Variants in GDA observed in about 807,000 individuals in gnomAD.
GDA encodes the protein cytoplasmic PSD-95 interactor.
In GDA, 18 loss-of-function variants were observed where a neutral mutation model predicts 59.6. That is an observed-to-expected ratio of 0.30 (90% CI 0.21 to 0.45). The LOEUF is 0.45. GDA is among the 20% of genes least tolerant of loss of function. The pLI, the probability that GDA is intolerant of heterozygous loss-of-function variation, is 1.00. For synonymous variants in GDA, 201 were observed against 201.1 expected (o/e 1.00, Z 0.00); for missense variants, 427 against 552.3 (o/e 0.77, Z 2.27).
intron 1 of GDA, among the ~76,000 whole-genome samples, chr9:72,130,442 A>G (rs1267748014): frequency 3.3e-5 from 5 of 152,250 alleles, no homozygotes; most frequent in Non-Finnish European, 5.9e-5. Flanking sequence ...CATTAAGAAC[A>G]TTACATAAGA....
chr9:72,194,861 T>C (rs1304910418), intron 1 of GDA, among the ~76,000 whole-genome samples: 3 of 152,202 alleles, frequency 2.0e-5, no homozygotes, highest in African/African-American at 7.2e-5. Context: ...GTTCCCTCTG[T>C]GGGCAGACAT....
chr9:72,192,294 C>T (rs1409796825), intron 1 of GDA, among the ~76,000 whole-genome samples: 7 of 116,946 alleles, frequency 6.0e-5, no homozygotes, highest in East Asian at 5.3e-4. Flanking sequence ...AGTGCAGTGT[C>T]GCGATCTCGG....
intron 10 of GDA, among the ~76,000 whole-genome samples, chr9:72,236,312 C>G (rs1838979113): frequency 6.6e-6 from 1 of 152,110 alleles, no homozygotes; most frequent in African/African-American, 2.4e-5. Flanking sequence ...CCCAAATGGC[C>G]CACCGCTTGG....
intron 1 of GDA, among the ~76,000 whole-genome samples, chr9:72,159,454 C>A (rs1430037121): frequency 1.3e-5 from 2 of 151,950 alleles, no homozygotes; most frequent in Non-Finnish European, 2.9e-5. Context: ...GCAAACCCCA[C>A]CTTAAAACCC....
At chr9:72,148,607 G>A (rs535236271), upstream of GDA, among the ~76,000 whole-genome samples, 1 of 152,286 alleles carries the variant, frequency 6.6e-6, no homozygotes, top group South Asian at 2.1e-4. Context: ...GCCCTGAATG[G>A]AAGCCAGCTG....
chr9:72,146,127 A>C (rs562539961), upstream of GDA, among the ~76,000 whole-genome samples: 64 of 124,224 alleles, frequency 5.2e-4, no homozygotes, highest in Non-Finnish European at 9.3e-4. Flanking sequence ...ATCCTGGATA[A>C]AGGTGAGGGG....
At chr9:72,140,432 G>A (rs1015834247) in intron 1 of GDA, among the ~76,000 whole-genome samples, 2 of 152,160 alleles carry the variant, frequency 1.3e-5, no homozygotes, top group African/African-American at 4.8e-5. Context: ...GCTGTAGACA[G>A]TGATTGAACC....
chr9:72,209,351 C>A (rs1312159777), intron 3 of GDA, among the ~76,000 whole-genome samples: 1 of 151,950 alleles, frequency 6.6e-6, no homozygotes, highest in African/African-American at 2.4e-5. Flanking sequence ...TGATTTTCAT[C>A]TTTTCCTTTT....
chr9:72,138,257 A>G (rs1826315307), intron 1 of GDA, among the ~76,000 whole-genome samples: 1 of 152,092 alleles, frequency 6.6e-6, no homozygotes, highest in Non-Finnish European at 1.5e-5. Context: ...AAGCTGTTTT[A>G]TCTGTGTTTT....
chr9:72,169,942 CA>C (rs1829760479), intron 1 of GDA, among the ~76,000 whole-genome samples: 1 of 152,196 alleles, frequency 6.6e-6, no homozygotes, highest in Admixed American at 6.5e-5. Flanking sequence ...GCTCTGAGGA[CA>C]GATAATGGTC....
At chr9:72,231,267 T>C in intron 10 of GDA, 86 bp downstream of exon 10, 4 of 728,882 alleles carry the variant, frequency 5.5e-6, no homozygotes, top group South Asian at 3.0e-5. Context: ...GTGACTGTTC[T>C]GTTTAAAAAA....
chr9:72,166,077 A>C lies in GDA; in HGVS notation c.123+16395A>C, dbSNP rs1464534379. The stretch of plus-strand genomic sequence containing the variant: ...AAAACAACACATAGGTGACTCACAT[A>C]CAACCTTTGTATGTATGAATGGAGG... On this transcript the variant is annotated intron_variant, in intron 1 of 13. Transcript: ENST00000358399. 3.3e-5 allele frequency among the ~76,000 whole-genome samples: 5 copies of C among 152,332 alleles called. No individual in the cohort carries two copies. The East Asian group carries it at 9.6e-4, about 29-fold the overall frequency.
chr9:72,158,329 C>T (rs1475556344), intron 1 of GDA, among the ~76,000 whole-genome samples: 3 of 152,208 alleles, frequency 2.0e-5, no homozygotes, highest in East Asian at 1.9e-4. Context: ...TACAGTGGCC[C>T]GCACCTGTAA....
intron 1 of GDA, 102 bp downstream of exon 1, chr9:72,149,784 T>A: frequency 8.2e-7 from 1 of 1,219,278 alleles, no homozygotes; most frequent in Admixed American, 3.1e-5. Context: ...CGGTGCGCAG[T>A]GAGCGCCGCG....
In GDA at chr9:72,120,206, G is replaced by A. The variant is rs1337320982; in HGVS notation, c.-100+5373G>A. On this transcript the variant is annotated intron_variant, in intron 1 of 13. Coordinates refer to the GDA transcript ENST00000545168. Reference sequence around the variant, plus strand: ...ATGCAGCATTCTTTTTTTTTTTTTTGAGATAGAGTCTCCCTCTGTCACCTA... The same window carrying A: ...ATGCAGCATTCTTTTTTTTTTTTTTAAGATAGAGTCTCCCTCTGTCACCTA... Among the ~76,000 whole-genome samples, 3 of 95,306 alleles carry A rather than the reference G, an allele frequency of 3.1e-5. No homozygotes were observed. The East Asian group carries it at 1.2e-3, about 37-fold the overall frequency. 62.5% of individuals were successfully genotyped at this position (95,306 alleles called of 152,430 possible).
rs1160264787 is a variant in GDA, at chr9:72,149,459, T to TGTCCGCCCGGC, written c.-100_-90dup. The TGTCCGCCCGGC allele has an allele frequency of 1.4e-6, 2 of 1,415,860 alleles. No homozygotes were observed. The highest frequency in any genetic ancestry group is 1.9e-6 in the Non-Finnish European group (2 of 1,047,586). 87.7% of individuals were successfully genotyped at this position (1,415,860 alleles called of 1,614,324 possible). A position where few individuals can be genotyped will look rare whatever the true frequency, so the allele number is the denominator to read the frequency against. On this transcript the variant is annotated 5_prime_UTR_variant, in exon 1 of 14. Coordinates refer to ENST00000358399, the MANE Select transcript of GDA (RefSeq NM_004293.5). ...GGGGGCAGGACAAGGCCGGAGCCTG[T>TGTCCGCCCGGC]GTCCGCCCGGCAGCCGCCCGCAGCT...
chr9:72,125,553 A>G (rs1376088799), intron 1 of GDA, among the ~76,000 whole-genome samples: 1 of 152,192 alleles, frequency 6.6e-6, no homozygotes, highest in Admixed American at 6.5e-5. Context: ...TTTTATAGGC[A>G]TAAAATAAAA....
In GDA at chr9:72,213,889, A is replaced by G; in HGVS notation, c.476A>G (p.Lys159Arg). 6.4e-7 allele frequency: 1 copy of G among 1,573,698 alleles called. No homozygotes were observed. Among genetic ancestry groups the G allele is most frequent in the East Asian group, 2.2e-5 (1 of 44,718 alleles). The change falls in exon 5 of 14, where the codon AAA becomes AGA. Residue 159 changes from lysine (K) to arginine (R), a missense_variant. By Grantham distance (26) the Lys-to-Arg change is conservative. Transcript: ENST00000358399. Reference protein sequence around the residue: ...SSLLLADITDKFGQRAFVGKV... With the variant: ...SSLLLADITDRFGQRAFVGKV... Reference sequence around the variant, plus strand: ...TCTTTTTGTGTATACTTTACAGATAAATTTGGACAGCGGGCATTTGTGGGC... The same window carrying G: ...TCTTTTTGTGTATACTTTACAGATAGATTTGGACAGCGGGCATTTGTGGGC...
chr9:72,141,229 G>T (rs1010876424), intron 1 of GDA, among the ~76,000 whole-genome samples: 1 of 152,058 alleles, frequency 6.6e-6, no homozygotes, highest in African/African-American at 2.4e-5. Flanking sequence ...TCTCAGAGAT[G>T]GTTTCTTCCT....
Sources: allele counts gnomAD v4.1 joint callset (sites outside exome capture counted in the v4.1 genomes callset), GRCh38; gene constraint gnomAD v4.1.1; transcripts MANE v1.5; gene names NCBI Gene and HGNC (gene_info 2026-07-23, HGNC 2026-07-21).